The following GSDME variants were observed in gnomAD, a reference collection of about 807,000 sequenced individuals.
GSDME encodes gasdermin E, also known as gasdermin-E.
In GSDME, 44 loss-of-function variants were observed where a neutral mutation model predicts 47.5. That is an observed-to-expected ratio of 0.93 (90% CI 0.73 to 1.19). GSDME has a LOEUF of 1.19. Among genes scored for constraint, GSDME ranks in the 50% most tolerant of loss-of-function variants. The probability of loss-of-function intolerance (pLI) is 0.00; values close to 1 mark genes in which losing one functional copy is unlikely to be tolerated. For synonymous variants in GSDME, 258 were observed against 252.8 expected (o/e 1.02, Z -0.20); for missense variants, 663 against 604.2 (o/e 1.10, Z -1.02).
chr7:24,711,339 C>G (rs547522869), intron 5 of GSDME, among the ~76,000 whole-genome samples: 1 of 152,212 alleles, frequency 6.6e-6, no homozygotes, highest in African/African-American at 2.4e-5. Context: ...ATTCTCCTGT[C>G]TCACCCTCCC....
chr7:24,737,716 G>C (rs764582550), intron 3 of GSDME, among the ~76,000 whole-genome samples: 1 of 150,528 alleles, frequency 6.6e-6, no homozygotes, highest in Non-Finnish European at 1.5e-5. Context: ...AAAACTACAA[G>C]CAGTGATGCA....
chr7:24,793,452 G>A, the GSDME span, among the ~76,000 whole-genome samples: 1 of 151,990 alleles, frequency 6.6e-6, no homozygotes, highest in South Asian at 2.1e-4. Flanking sequence ...TTTTAATGTA[G>A]GTAAAAATCT....
chr7:24,713,538 CAG>C (rs1789436326), intron 5 of GSDME, among the ~76,000 whole-genome samples: 1 of 152,196 alleles, frequency 6.6e-6, no homozygotes, highest in African/African-American at 2.4e-5. Context: ...AGAGCACGCC[CAG>C]AGAGAGGCGC....
chr7:24,719,020 A>G, intron 4 of GSDME, 27 bp downstream of exon 4: 2 of 1,610,890 alleles, frequency 1.2e-6, no homozygotes, highest in Non-Finnish European at 1.7e-6. Flanking sequence ...CTCAGCCATG[A>G]ACGCAGGGCA....
Position 24,726,146 on chromosome 7 carries a change from C to T in GSDME, c.405-6928G>A, listed in dbSNP as rs150488145. 2.5e-3 allele frequency among the ~76,000 whole-genome samples: 385 copies of T among 152,238 alleles called. 2 individuals carry two copies. Among genetic ancestry groups the T allele is most frequent in the African/African-American group, 8.9e-3 (368 of 41,530 alleles). ...AGCTCTTCCAGCATCCATCAGCTCCCCAGGCCCAGCCCTAATGAAGCCGCC... is the reference window on the plus strand; with the variant it reads ...AGCTCTTCCAGCATCCATCAGCTCCTCAGGCCCAGCCCTAATGAAGCCGCC... On this transcript the variant is annotated intron_variant, in intron 3 of 9. Coordinates refer to ENST00000645220, the MANE Select transcript of GSDME (RefSeq NM_001127453.2). The surrounding 1 kb of genome is among the most constrained non-coding windows in gnomAD (Gnocchi z 5.6).
At chr7:24,760,748 C>T (rs1324897387), upstream of GSDME, among the ~76,000 whole-genome samples, 1 of 152,182 alleles carries the variant, frequency 6.6e-6, no homozygotes, top group East Asian at 1.9e-4. This position sits in a 1 kb window ranked among gnomAD's most constrained non-coding sequence, Gnocchi z 4.2. Flanking sequence ...TCATTTACCT[C>T]CCTAAATCCC....
chr7:24,752,991 T>TG (rs1213723988), intron 1 of GSDME, among the ~76,000 whole-genome samples: 2 of 147,440 alleles, frequency 1.4e-5, no homozygotes, highest in Non-Finnish European at 3.0e-5. Flanking sequence ...TAATTTTTCA[T>TG]GTTTTTTTTT....
intron 6 of GSDME, among the ~76,000 whole-genome samples, chr7:24,709,573 T>G (rs1789264096): frequency 6.6e-6 from 1 of 152,038 alleles, no homozygotes; most frequent in African/African-American, 2.4e-5. Flanking sequence ...GGTTCCTAGC[T>G]CTTTGTGCTA....
At chr7:24,771,366 ATATTACATTG>A in the GSDME span, among the ~76,000 whole-genome samples, 21 of 152,366 alleles carry the variant, frequency 1.4e-4, 1 homozygote, top group South Asian at 8.3e-4. The surrounding 1 kb of genome is among the most constrained non-coding windows in gnomAD (Gnocchi z 4.1). Context: ...AACAGCATTT[ATATTACATTG>A]TATTACATTG....
At position 24,705,183 on chromosome 7, in the gene GSDME, C is replaced by G. The variant is rs1490479082; in HGVS notation, c.1183+1001G>C. On this transcript the variant is annotated intron_variant, in intron 8 of 9. Coordinates refer to ENST00000645220, the MANE Select transcript of GSDME (RefSeq NM_001127453.2). This position sits in a 1 kb window ranked among gnomAD's most constrained non-coding sequence, Gnocchi z 4.1. The stretch of plus-strand genomic sequence containing the variant: ...CTCTGGCCTGTGTATTAGCTCCTGA[C>G]AGAATGCCTGTTCTGAAAGACTCTA... 1.3e-5 allele frequency: 2 copies of G among 152,198 alleles called. No homozygotes were observed. Among genetic ancestry groups the G allele is most frequent in the Non-Finnish European group, 2.9e-5 (2 of 68,038 alleles). 9.4% of individuals were successfully genotyped at this position (152,198 alleles called of 1,614,324 possible).
rs1383223694 is a variant in GSDME at position 24,698,789 on chromosome 7, A to C, written c.*237T>G. On this transcript the variant is annotated 3_prime_UTR_variant, in exon 10 of 10. Coordinates refer to ENST00000645220, the MANE Select transcript of GSDME (RefSeq NM_001127453.2). ...ATTCTCCGCCCTCCCAGCTCTTTAC[A>C]TGCTGGAACCTAACTCAGATGCTGG... The C allele has an allele frequency of 1.3e-5, 7 of 553,824 alleles. No individual in the cohort carries two copies. Among genetic ancestry groups the C allele is most frequent in the Admixed American group, 1.2e-4 (4 of 32,744 alleles). 34.3% of individuals were successfully genotyped at this position (553,824 alleles called of 1,614,324 possible). A position where few individuals can be genotyped will look rare whatever the true frequency, so the allele number is the denominator to read the frequency against.
the GSDME span, among the ~76,000 whole-genome samples, chr7:24,785,434 T>G: frequency 1.3e-5 from 2 of 152,212 alleles, no homozygotes; most frequent in Non-Finnish European, 2.9e-5. Flanking sequence ...AATATTTATT[T>G]AGTCCATAAT....
At chr7:24,773,923 C>T in the GSDME span, among the ~76,000 whole-genome samples, 3 of 152,218 alleles carry the variant, frequency 2.0e-5, no homozygotes, top group African/African-American at 7.2e-5. The surrounding 1 kb of genome is among the most constrained non-coding windows in gnomAD (Gnocchi z 5.4). Flanking sequence ...TTTCCAATTT[C>T]TTTTAAATTT....
At chr7:24,755,116 A>T (rs565228591) in intron 1 of GSDME, among the ~76,000 whole-genome samples, 1 of 152,238 alleles carries the variant, frequency 6.6e-6, no homozygotes, top group Admixed American at 6.5e-5. Flanking sequence ...AAGCAGCCCT[A>T]TCAGGGAACT....
intron 1 of GSDME, among the ~76,000 whole-genome samples, chr7:24,751,035 G>T (rs1174995781): frequency 1.3e-5 from 2 of 152,270 alleles, no homozygotes; most frequent in East Asian, 3.9e-4. Flanking sequence ...AAAAAATAGA[G>T]AAATATTTGT....
chr7:24,746,236 C>CT (rs1790663444), intron 2 of GSDME, among the ~76,000 whole-genome samples: 1 of 152,132 alleles, frequency 6.6e-6, no homozygotes, highest in South Asian at 2.1e-4. Flanking sequence ...TATTCATGGA[C>CT]TTTTTTTGTT....
chr7:24,703,593 A>G (rs1055403928), intron 8 of GSDME: 1 of 154,116 alleles, frequency 6.5e-6, no homozygotes, highest in African/African-American at 2.4e-5. Flanking sequence ...CACGTGCTGA[A>G]TCAGGTAGCC....
At position 24,726,792 on chromosome 7, in the gene GSDME, C is replaced by T. The variant is rs1157210681; in HGVS notation, c.405-7574G>A. ...CTGCACTCCAGCCCGGGGGACAGAG[C>T]GAGACTCCGTCTCAAAAAAAAAAAA... On this transcript the variant is annotated intron_variant, in intron 3 of 9. Transcript: ENST00000645220. The surrounding 1 kb of genome is among the most constrained non-coding windows in gnomAD (Gnocchi z 5.6). 3.6e-5 allele frequency among the ~76,000 whole-genome samples: 5 copies of T among 140,326 alleles called. No homozygotes were observed. Among genetic ancestry groups the T allele is most frequent in the Non-Finnish European group, 7.5e-5 (5 of 66,234 alleles). The allele number at this position is 140,326 out of a possible 152,430, so 92.1% of individuals were successfully genotyped here.
intron 8 of GSDME, chr7:24,704,995 G>A (rs933726516): frequency 6.6e-6 from 1 of 152,272 alleles, no homozygotes; most frequent in African/African-American, 2.4e-5. Context: ...GCCAGTTGCA[G>A]AGAATTTGAT....
Sources: allele counts gnomAD v4.1 joint callset (sites outside exome capture counted in the v4.1 genomes callset), GRCh38; gene constraint gnomAD v4.1.1; non-coding constraint Gnocchi (gnomAD v3.1); transcripts MANE v1.5; gene names NCBI Gene and HGNC (gene_info 2026-07-23, HGNC 2026-07-21).